Variants in UTRN observed in about 807,000 individuals in gnomAD.
The protein encoded by UTRN is utrophin.
In UTRN, 283 loss-of-function variants were observed where a neutral mutation model predicts 463.9. That is an observed-to-expected ratio of 0.61 (90% CI 0.55 to 0.67). The LOEUF (loss-of-function observed/expected upper bound fraction) is 0.67, where lower values mean the gene tolerates loss of function less well. UTRN is among the 30% of genes least tolerant of loss of function. UTRN has a pLI of 0.00. For synonymous variants in UTRN, 1,442 were observed against 1,431.5 expected (o/e 1.01, Z -0.17); for missense variants, 3,922 against 4,084.3 (o/e 0.96, Z 1.08).
chr6:144,305,499 A>G (rs73585090), intron 2 of UTRN, among the ~76,000 whole-genome samples: 9,203 of 152,288 alleles, frequency 0.06, 909 homozygotes, highest in African/African-American at 0.21. Context: ...TTGTGAACTG[A>G]GTGATGACTG....
chr6:144,590,257 G>T (rs1177205526), intron 51 of UTRN, among the ~76,000 whole-genome samples: 2 of 152,132 alleles, frequency 1.3e-5, no homozygotes, highest in Non-Finnish European at 2.9e-5. Context: ...AGGAAATAAA[G>T]ATTTTTAAAA....
At chr6:144,732,711 ATGTT>A (rs1273484498) in intron 54 of UTRN, among the ~76,000 whole-genome samples, 1 of 150,288 alleles carries the variant, frequency 6.7e-6, no homozygotes, top group African/African-American at 2.5e-5. Flanking sequence ...ATGTTATGTT[ATGTT>A]ATGTTATGTT....
intron 65 of UTRN, among the ~76,000 whole-genome samples, chr6:144,809,168 A>G (rs1350870117): frequency 1.3e-5 from 2 of 152,170 alleles, no homozygotes; most frequent in African/African-American, 2.4e-5. Flanking sequence ...ATAAAAGTTC[A>G]TACAATTGCT....
chr6:144,762,013 T>C (rs1304216661), intron 58 of UTRN, among the ~76,000 whole-genome samples: 1 of 152,208 alleles, frequency 6.6e-6, no homozygotes, highest in Non-Finnish European at 1.5e-5. Context: ...TTTTGAACAG[T>C]CATTTATTTG....
At chr6:144,377,499 A>G (rs751457042) in intron 2 of UTRN, among the ~76,000 whole-genome samples, 2 of 152,188 alleles carry the variant, frequency 1.3e-5, no homozygotes, top group African/African-American at 2.4e-5. Context: ...ACATAACCCT[A>G]TATGATCTTT....
chr6:144,458,476 G>A (rs1302440035), intron 19 of UTRN, among the ~76,000 whole-genome samples: 1 of 152,184 alleles, frequency 6.6e-6, no homozygotes, highest in East Asian at 1.9e-4. Flanking sequence ...CAGAGTAGAA[G>A]CATGGCATGG....
At chr6:144,682,090 TCTAA>T (rs547192536) in intron 52 of UTRN, among the ~76,000 whole-genome samples, 3 of 152,268 alleles carry the variant, frequency 2.0e-5, no homozygotes, top group Non-Finnish European at 4.4e-5. Context: ...ATTCATTCTT[TCTAA>T]CTGTTTTATA....
intron 2 of UTRN, among the ~76,000 whole-genome samples, chr6:144,365,171 G>T (rs1779406128): frequency 6.6e-6 from 1 of 152,200 alleles, no homozygotes; most frequent in African/African-American, 2.4e-5. Context: ...TCTGCAGAAA[G>T]AATTGAGAGT....
At chr6:144,783,415 A>G (rs1776027249) in intron 61 of UTRN, among the ~76,000 whole-genome samples, 1 of 152,184 alleles carries the variant, frequency 6.6e-6, no homozygotes, top group East Asian at 1.9e-4. Context: ...TGAGCTGACT[A>G]AAAATCTGGA....
At chr6:144,733,689 G>C (rs953080217) in intron 54 of UTRN, among the ~76,000 whole-genome samples, 1 of 151,996 alleles carries the variant, frequency 6.6e-6, no homozygotes, top group East Asian at 1.9e-4. Flanking sequence ...TCTTTCAAAA[G>C]AACATTTTAA....
At chr6:144,689,467 CT>C (rs1421082656) in intron 52 of UTRN, among the ~76,000 whole-genome samples, 1 of 152,212 alleles carries the variant, frequency 6.6e-6, no homozygotes, top group African/African-American at 2.4e-5. Context: ...TTTTGTCATT[CT>C]TTTGTCCCAC....
intron 25 of UTRN, among the ~76,000 whole-genome samples, chr6:144,478,293 A>G (rs760027974): frequency 6.6e-6 from 1 of 152,136 alleles, no homozygotes; most frequent in Non-Finnish European, 1.5e-5. Context: ...TGTTGTTGTT[A>G]AGCTTATGGT....
chr6:144,485,571 C>T (rs749968909), intron 28 of UTRN, 52 bp downstream of exon 28: 69 of 1,607,836 alleles, frequency 4.3e-5, no homozygotes, highest in Non-Finnish European at 5.4e-5. Context: ...TGAGGCCACA[C>T]GTGTATTACA....
chr6:144,309,540 A>C (rs1288106327), intron 2 of UTRN, among the ~76,000 whole-genome samples: 1 of 152,154 alleles, frequency 6.6e-6, no homozygotes, highest in African/African-American at 2.4e-5. Context: ...AATGCAGCAG[A>C]TCCTGCTGGT....
At chr6:144,391,772 G>C (rs1781951316) in intron 2 of UTRN, among the ~76,000 whole-genome samples, 1 of 152,144 alleles carries the variant, frequency 6.6e-6, no homozygotes, top group Admixed American at 6.5e-5. Context: ...CTCCCCAGTA[G>C]CTGGGACTAT....
chr6:144,473,045 C>T lies in UTRN; in HGVS notation c.3067-675C>T, dbSNP rs573645966. The stretch of plus-strand genomic sequence containing the variant: ...CCTCCTAAAGTGCTGGGATTACAAG[C>T]GTGAGCCACCGTACCTGGCCCTTAT... On this transcript the variant is annotated intron_variant, in intron 23 of 74. Transcript: ENST00000367545. Among the ~76,000 whole-genome samples, 4 of 152,230 alleles carry T rather than the reference C, an allele frequency of 2.6e-5. No individual in the cohort carries two copies. The South Asian group carries it at 8.3e-4, about 32-fold the overall frequency.
intron 4 of UTRN, among the ~76,000 whole-genome samples, chr6:144,422,343 G>A (rs905121676): frequency 3.3e-5 from 5 of 152,182 alleles, no homozygotes; most frequent in African/African-American, 7.2e-5. Context: ...AAGGCTGGGC[G>A]CGGTAGCTCA....
At chr6:144,765,151 C>G (rs914497598) in intron 58 of UTRN, among the ~76,000 whole-genome samples, 1 of 152,110 alleles carries the variant, frequency 6.6e-6, no homozygotes, top group African/African-American at 2.4e-5. Flanking sequence ...TTTATATTTC[C>G]AAGCAATTTA....
chr6:144,423,480 C>A, intron 4 of UTRN, 69 bp from the exon 5 acceptor site: 1 of 1,474,670 alleles, frequency 6.8e-7, no homozygotes, highest in South Asian at 1.1e-5. Flanking sequence ...GTGTGTATCT[C>A]AGTGCTAGTG....
Sources: gnomAD v4.1 joint callset for allele counts (sites outside exome capture counted in the v4.1 genomes callset) on GRCh38, gnomAD v4.1.1 for gene constraint, MANE v1.5 for transcripts, NCBI Gene and HGNC (gene_info 2026-07-23, HGNC 2026-07-21) for gene names.